The following UBE2R2 variants were observed in gnomAD, a reference collection of about 807,000 sequenced individuals.
The protein encoded by UBE2R2 is ubiquitin-conjugating enzyme E2 R2.
A neutral mutation model predicts 27.8 loss-of-function variants in UBE2R2; 1 was observed. The ratio of observed to expected loss-of-function variants is 0.04; its 90% CI spans 0.01 to 0.17. The LOEUF is 0.17. UBE2R2 is among the 10% of genes least tolerant of loss of function. UBE2R2 has a pLI of 1.00. For missense variants in UBE2R2, 100 were observed against 291.0 expected (o/e 0.34, Z 4.78); for synonymous variants, 106 against 113.3 (o/e 0.94, Z 0.41).
chr9:33,843,945 A>G (rs1311523901), intron 1 of UBE2R2, among the ~76,000 whole-genome samples: 3 of 152,206 alleles, frequency 2.0e-5, no homozygotes, highest in Non-Finnish European at 2.9e-5. Flanking sequence ...ATCTATTAAG[A>G]GGTATTATCA....
intron 3 of UBE2R2, among the ~76,000 whole-genome samples, chr9:33,910,383 A>C (rs1458544979): frequency 6.6e-6 from 1 of 151,666 alleles, no homozygotes; most frequent in Non-Finnish European, 1.5e-5. Context: ...TCCTGACCTC[A>C]TGATCTGCCT....
At chr9:33,871,954 C>T (rs970602940) in intron 1 of UBE2R2, among the ~76,000 whole-genome samples, 12 of 152,078 alleles carry the variant, frequency 7.9e-5, no homozygotes, top group Non-Finnish European at 1.6e-4. Context: ...CCTCGTGATC[C>T]GCCTGCCTCA....
chr9:33,822,280 G>A (rs569284195), intron 1 of UBE2R2, among the ~76,000 whole-genome samples: 3 of 151,724 alleles, frequency 2.0e-5, no homozygotes, highest in South Asian at 2.1e-4. Flanking sequence ...TGGTAGAGAC[G>A]AGGTTTCTCC....
At chr9:33,845,336 T>A (rs900497218) in intron 1 of UBE2R2, among the ~76,000 whole-genome samples, 1 of 151,226 alleles carries the variant, frequency 6.6e-6, no homozygotes, top group Admixed American at 6.6e-5. Context: ...AAGCTCCGCC[T>A]CCCGGGTTCA....
chr9:33,873,766 T>C (rs1415845419), intron 1 of UBE2R2, among the ~76,000 whole-genome samples: 3 of 151,958 alleles, frequency 2.0e-5, no homozygotes, highest in Non-Finnish European at 4.4e-5. Context: ...CTGAGCATCC[T>C]GAGTGGTCAT....
Position 33,918,293 on chromosome 9 carries a change from G to A in UBE2R2, c.*1056G>A, listed in dbSNP as rs1822706436. The A allele has an allele frequency of 6.6e-6, 1 of 152,060 alleles. No homozygotes were observed. The highest frequency in any genetic ancestry group is 1.9e-4 in the East Asian group (1 of 5,182). The allele number at this position is 152,060 out of a possible 1,614,324, so 9.4% of individuals were successfully genotyped here. A position where few individuals can be genotyped will look rare whatever the true frequency, so the allele number is the denominator to read the frequency against. The stretch of plus-strand genomic sequence containing the variant: ...CTCAGTATTAATCCTAGGTGCATGT[G>A]TTAAGATTTCGGTTTTCATCGAGCT... On this transcript the variant is annotated 3_prime_UTR_variant, in exon 5 of 5. Transcript: ENST00000263228.
intron 1 of UBE2R2, 102 bp downstream of exon 1, chr9:33,818,036 T>A: frequency 7.4e-7 from 1 of 1,346,288 alleles, no homozygotes; most frequent in Non-Finnish European, 1.0e-6. Flanking sequence ...CACGGGCGAG[T>A]GGAGGGGGCT....
chr9:33,839,524 CACCGTGCTGGGCCTGAGATTAGTGTTCT>C (rs1395419575), intron 1 of UBE2R2, among the ~76,000 whole-genome samples: 3 of 152,154 alleles, frequency 2.0e-5, no homozygotes, highest in African/African-American at 7.2e-5. Context: ...AGGTGTGAGC[CACCGTGCTGGGCCTGAGATTAGTGTTCT>C]TATGACAGAG....
intron 1 of UBE2R2, among the ~76,000 whole-genome samples, chr9:33,823,459 T>C (rs945074248): frequency 5.3e-5 from 8 of 152,096 alleles, no homozygotes; most frequent in African/African-American, 1.9e-4. Flanking sequence ...CACTGCAACC[T>C]CTGCCTCCCG....
At chr9:33,850,579 G>A (rs913681549) in intron 1 of UBE2R2, among the ~76,000 whole-genome samples, 20 of 152,016 alleles carry the variant, frequency 1.3e-4, no homozygotes, top group African/African-American at 4.1e-4. Flanking sequence ...CTAGCTTCCC[G>A]ACTTCTGGCT....
chr9:33,830,771 G>GAAAAA (rs370816652), intron 1 of UBE2R2, among the ~76,000 whole-genome samples: 1 of 136,212 alleles, frequency 7.3e-6, no homozygotes, highest in Non-Finnish European at 1.6e-5. Flanking sequence ...CCTCTCAAAG[G>GAAAAA]AAAAAAAAAA....
At chr9:33,851,878 C>T (rs1185097595) in intron 1 of UBE2R2, among the ~76,000 whole-genome samples, 1 of 151,870 alleles carries the variant, frequency 6.6e-6, no homozygotes, top group Non-Finnish European at 1.5e-5. Context: ...ATTACATTGG[C>T]ATAAATAGTA....
upstream of UBE2R2, among the ~76,000 whole-genome samples, chr9:33,816,884 A>C (rs1825777255): frequency 6.6e-6 from 1 of 152,234 alleles, no homozygotes; most frequent in Non-Finnish European, 1.5e-5. Context: ...CTCTGGGGCC[A>C]CGGCAATCCC....
chr9:33,916,445 G>A (rs893240287), intron 4 of UBE2R2, among the ~76,000 whole-genome samples: 1 of 152,128 alleles, frequency 6.6e-6, no homozygotes, highest in Non-Finnish European at 1.5e-5. Flanking sequence ...AATTGTTGGG[G>A]CACTTGAGTT....
chr9:33,831,074 C>CAAAAAAA (rs60428230), intron 1 of UBE2R2: 19 of 88,252 alleles, frequency 2.2e-4, no homozygotes, highest in South Asian at 3.8e-4. Flanking sequence ...ACTGAACTAG[C>CAAAAAAA]AAAAAAAAAA....
chr9:33,858,590 T>C (rs1770529739), intron 1 of UBE2R2, among the ~76,000 whole-genome samples: 1 of 152,020 alleles, frequency 6.6e-6, no homozygotes, highest in East Asian at 1.9e-4. Context: ...TTGCTAGAGA[T>C]AGGGTTTTGC....
upstream of UBE2R2, among the ~76,000 whole-genome samples, chr9:33,817,144 C>CCCTG (rs1007420074): frequency 7.2e-6 from 1 of 139,398 alleles, no homozygotes; most frequent in African/African-American, 2.6e-5. Context: ...CTCTCTCCCT[C>CCCTG]CCTCCCTCCC....
chr9:33,888,571 GCAGTGGTGCGATTT>G (rs1821914244), intron 2 of UBE2R2, among the ~76,000 whole-genome samples: 1 of 152,122 alleles, frequency 6.6e-6, no homozygotes, highest in Non-Finnish European at 1.5e-5. Context: ...AGGCTGGAGT[GCAGTGGTGCGATTT>G]CAGCTAACTG....
chr9:33,902,286 G>C (rs1010640187), intron 3 of UBE2R2, among the ~76,000 whole-genome samples: 1 of 152,180 alleles, frequency 6.6e-6, no homozygotes, highest in Non-Finnish European at 1.5e-5. Context: ...ATGGGCTCAA[G>C]TGATGCCCCT....
Sources: allele counts gnomAD v4.1 joint callset (sites outside exome capture counted in the v4.1 genomes callset), GRCh38; gene constraint gnomAD v4.1.1; transcripts MANE v1.5; gene names NCBI Gene and HGNC (gene_info 2026-07-23, HGNC 2026-07-21).